RELL1: variants seen among roughly 807,000 people sequenced by gnomAD.
RELL1 encodes the protein RELT-like protein 1.
RELL1 carries 10 observed loss-of-function variants against 23.0 expected under a neutral mutation model. The observed-to-expected ratio is 0.43, with a 90% CI of 0.27 to 0.74. RELL1 has a LOEUF of 0.74. Ranked by LOEUF, RELL1 falls within the 30% of genes least tolerant of loss-of-function variation. The pLI, the probability that RELL1 is intolerant of heterozygous loss-of-function variation, is 0.19. For missense variants in RELL1, 315 were observed against 364.4 expected (o/e 0.86, Z 1.10); for synonymous variants, 146 against 146.8 (o/e 0.99, Z 0.04).
chr4:37,669,164 C>T (rs1433484276), intron 1 of RELL1, among the ~76,000 whole-genome samples: 11 of 106,248 alleles, frequency 1.0e-4, no homozygotes, highest in Middle Eastern at 5.4e-3. Flanking sequence ...GGCCAGCCGC[C>T]CCGTCCGGGA....
intron 4 of RELL1, among the ~76,000 whole-genome samples, chr4:37,636,449 G>T (rs1720331980): frequency 6.6e-6 from 1 of 152,006 alleles, no homozygotes; most frequent in Non-Finnish European, 1.5e-5. Flanking sequence ...CAAAAAATTA[G>T]CCGGGGGTGG....
chr4:37,679,882 G>A (rs1722145934), intron 1 of RELL1, among the ~76,000 whole-genome samples: 1 of 151,548 alleles, frequency 6.6e-6, no homozygotes, highest in Admixed American at 6.6e-5. Context: ...AACCCGGGAG[G>A]CGGAGCTTGC....
rs1719453483 is a variant in RELL1, at chr4:37,612,872, T to A, written c.*474A>T. ...TTTTGTAACAGCTAACCTGTATGTATCAAGATCTTCTTACAACCAGTGTCA... is the reference window on the plus strand; with the variant it reads ...TTTTGTAACAGCTAACCTGTATGTAACAAGATCTTCTTACAACCAGTGTCA... On this transcript the variant is annotated 3_prime_UTR_variant, in exon 7 of 7. Coordinates refer to ENST00000454158, the MANE Select transcript of RELL1 (RefSeq NM_001085400.2). 6.6e-6 allele frequency: 1 copy of A among 152,126 alleles called. No homozygotes were observed. The highest frequency in any genetic ancestry group is 1.5e-5 in the Non-Finnish European group (1 of 68,052). 9.4% of individuals were successfully genotyped at this position (152,126 alleles called of 1,614,324 possible). A position where few individuals can be genotyped will look rare whatever the true frequency, so the allele number is the denominator to read the frequency against.
At chr4:37,634,516 A>G (rs540432086) in intron 5 of RELL1, among the ~76,000 whole-genome samples, 2 of 152,316 alleles carry the variant, frequency 1.3e-5, no homozygotes, top group East Asian at 3.9e-4. Flanking sequence ...CAGAGCCACA[A>G]ACGAAGGGGG....
chr4:37,593,091 A>T (rs1718693654), intron 6 of RELL1, among the ~76,000 whole-genome samples: 1 of 152,236 alleles, frequency 6.6e-6, no homozygotes, highest in Non-Finnish European at 1.5e-5. Flanking sequence ...GCCCTTAAAA[A>T]GATAAAGTCT....
At chr4:37,605,767 G>GA (rs771992965), downstream of RELL1, among the ~76,000 whole-genome samples, 2 of 82,506 alleles carry the variant, frequency 2.4e-5, no homozygotes, top group African/African-American at 7.9e-5. Context: ...AATAAAGAAA[G>GA]AGAGAGAGAG....
chr4:37,592,035 T>C (rs951391996), intron 6 of RELL1, among the ~76,000 whole-genome samples: 17 of 152,006 alleles, frequency 1.1e-4, no homozygotes, highest in African/African-American at 4.1e-4. Context: ...AGTGAAACCC[T>C]GTCTCTACTA....
In RELL1 at chr4:37,645,518, T is replaced by A. The variant is rs73807879; in HGVS notation, c.385+1850A>T. Among the ~76,000 whole-genome samples, 781 of 152,330 alleles carry A rather than the reference T, an allele frequency of 5.1e-3. 6 individuals are homozygous for A. The highest frequency in any genetic ancestry group is 0.018 in the African/African-American group (738 of 41,572). On this transcript the variant is annotated intron_variant, in intron 3 of 6. Transcript: ENST00000454158. ...AATCCAAGTATTCTGGTCTTTTTTG[T>A]TATTTTAAACATCATCCGAGTAAGT...
At chr4:37,631,156 T>A (rs762906387) in intron 6 of RELL1, among the ~76,000 whole-genome samples, 4 of 152,164 alleles carry the variant, frequency 2.6e-5, no homozygotes, top group Non-Finnish European at 5.9e-5. Flanking sequence ...ATCCTCATTA[T>A]CACACAGGCC....
At chr4:37,669,020 C>A (rs1721661788) in intron 1 of RELL1, among the ~76,000 whole-genome samples, 1 of 139,048 alleles carries the variant, frequency 7.2e-6, no homozygotes, top group African/African-American at 3.0e-5. Flanking sequence ...GGGTCAGCCC[C>A]CCGCCTGGCC....
At chr4:37,636,330 T>C (rs1437426075) in intron 4 of RELL1, among the ~76,000 whole-genome samples, 1 of 152,136 alleles carries the variant, frequency 6.6e-6, no homozygotes, top group African/African-American at 2.4e-5. Flanking sequence ...GCGTGGTGGC[T>C]CACACTTGTA....
At position 37,625,521 on chromosome 4, in the gene RELL1, CAAAT is replaced by C. The variant is rs1341794179; in HGVS notation, c.*3+5860_*3+5863del. Among the ~76,000 whole-genome samples the C allele has an allele frequency of 2.6e-5, 4 of 152,088 alleles. No individual in the cohort carries two copies. The East Asian group carries it at 7.7e-4, about 29-fold the overall frequency. On this transcript the variant is annotated intron_variant, in intron 6 of 6. Coordinates refer to ENST00000454158, the MANE Select transcript of RELL1 (RefSeq NM_001085400.2). ...CACAAACAACTCAAAAGCAAGAAAA[CAAAT>C]AACCCAATTTAAAAATGGGGCAAAA... is the stretch of plus-strand genomic sequence containing the variant.
At chr4:37,679,850 G>A (rs1216137025) in intron 1 of RELL1, among the ~76,000 whole-genome samples, 1 of 152,052 alleles carries the variant, frequency 6.6e-6, no homozygotes, top group Non-Finnish European at 1.5e-5. Context: ...TACTCGGGAG[G>A]CTGAGGCAGG....
At chr4:37,600,719 G>A (rs1718992265) in intron 6 of RELL1, among the ~76,000 whole-genome samples, 1 of 151,662 alleles carries the variant, frequency 6.6e-6, no homozygotes, top group East Asian at 1.9e-4. Flanking sequence ...ATTTGGGAGG[G>A]TTGATTGGTT....
chr4:37,636,468 G>A (rs992796368), intron 4 of RELL1, among the ~76,000 whole-genome samples: 4 of 151,842 alleles, frequency 2.6e-5, no homozygotes, highest in Admixed American at 6.6e-5. Flanking sequence ...GGTGGCGGGC[G>A]CCTGTAGTCC....
At chr4:37,665,742 G>T (rs1245442410) in intron 1 of RELL1, among the ~76,000 whole-genome samples, 1 of 152,220 alleles carries the variant, frequency 6.6e-6, no homozygotes, top group African/African-American at 2.4e-5. Flanking sequence ...TGGGGTCAAA[G>T]GGGTGCTCCT....
At chr4:37,678,966 C>T (rs1182755718) in intron 1 of RELL1, among the ~76,000 whole-genome samples, 2 of 152,044 alleles carry the variant, frequency 1.3e-5, no homozygotes, top group African/African-American at 4.8e-5. Flanking sequence ...ACCTGGCTGG[C>T]GGGTTCTCTC....
At chr4:37,596,449 CT>C (rs11364158) in intron 6 of RELL1, among the ~76,000 whole-genome samples, 130,247 of 151,214 alleles carry the variant, frequency 0.86, 56,247 homozygotes, top group East Asian at 1. Context: ...ATTGCCACAC[CT>C]TTTTTTTATC....
chr4:37,642,211 G>A (rs1720554545), intron 3 of RELL1, among the ~76,000 whole-genome samples: 1 of 152,150 alleles, frequency 6.6e-6, no homozygotes, highest in Non-Finnish European at 1.5e-5. Flanking sequence ...AAATATAAAC[G>A]AAGCCTGAAG....
Sources: gnomAD v4.1 joint callset for allele counts (sites outside exome capture counted in the v4.1 genomes callset) on GRCh38, gnomAD v4.1.1 for gene constraint, MANE v1.5 for transcripts, NCBI Gene and HGNC (gene_info 2026-07-23, HGNC 2026-07-21) for gene names.